The following CLIP1 variants were observed in gnomAD, a reference collection of about 807,000 sequenced individuals.
CLIP1 encodes CAP-Gly domain containing linker protein 1.
In CLIP1, 66 loss-of-function variants were observed where a neutral mutation model predicts 161.6. That is an observed-to-expected ratio of 0.41 (90% confidence interval 0.33 to 0.50). The LOEUF (loss-of-function observed/expected upper bound fraction) is 0.50. Ranked by LOEUF, CLIP1 falls within the 20% of genes least tolerant of loss-of-function variation. The pLI is 0.27. For missense variants in CLIP1, 1,376 were observed against 1,702.0 expected, an observed-to-expected ratio of 0.81 and a Z score of 3.37; for synonymous variants, 598 against 626.2, an observed-to-expected ratio of 0.96 and a Z score of 0.67.
intron 3 of CLIP1, among the ~76,000 whole-genome samples, chr12:122,370,253 A>C (rs947303264): frequency 2.6e-5 from 4 of 151,818 alleles, no homozygotes; most frequent in Non-Finnish European, 5.9e-5. Context: ...TGAGAAGGAC[A>C]AGAGGTCGGG....
chr12:122,332,396 G>A (rs1952019845), intron 15 of CLIP1, among the ~76,000 whole-genome samples: 1 of 150,442 alleles, frequency 6.6e-6, no homozygotes, highest in South Asian at 2.1e-4. Flanking sequence ...ATATATTATT[G>A]TCATTGGTAA....
At chr12:122,411,130 C>G (rs1956514635) in intron 1 of CLIP1, among the ~76,000 whole-genome samples, 1 of 152,066 alleles carries the variant, frequency 6.6e-6, no homozygotes, top group Non-Finnish European at 1.5e-5. Context: ...AAATTAGACA[C>G]AAGAGCCAGG....
intron 20 of CLIP1, among the ~76,000 whole-genome samples, chr12:122,293,002 CAA>C (rs57326141): frequency 0.041 from 1,783 of 43,522 alleles, 44 homozygotes; most frequent in East Asian, 0.15. Flanking sequence ...GACTCTGTCT[CAA>C]AAAAAAAAAA....
chr12:122,399,515 T>C (rs2137064878), intron 1 of CLIP1: 1 of 152,220 alleles, frequency 6.6e-6, no homozygotes, highest in East Asian at 1.9e-4. Context: ...AAATCACATC[T>C]CTACACATCA....
chr12:122,375,698 C>A (rs1296458887), intron 3 of CLIP1, among the ~76,000 whole-genome samples: 1 of 151,980 alleles, frequency 6.6e-6, no homozygotes, highest in Non-Finnish European at 1.5e-5. Context: ...TTATACACAC[C>A]CATATAATTT....
chr12:122,367,451 G>C (rs1483460373), intron 3 of CLIP1, among the ~76,000 whole-genome samples: 3 of 152,162 alleles, frequency 2.0e-5, no homozygotes, highest in Non-Finnish European at 4.4e-5. Flanking sequence ...AGAAAGTCAG[G>C]TGAAGTCCTA....
At chr12:122,399,183 C>T (rs1956054873) in intron 1 of CLIP1, 2 of 152,144 alleles carry the variant, frequency 1.3e-5, no homozygotes, top group African/African-American at 4.8e-5. Context: ...AATTCCACCC[C>T]AGTTGGATGA....
At chr12:122,413,708 T>C (rs777483050) in intron 1 of CLIP1, among the ~76,000 whole-genome samples, 2 of 152,148 alleles carry the variant, frequency 1.3e-5, no homozygotes, top group African/African-American at 4.8e-5. Flanking sequence ...GGGTTCCCAA[T>C]AGGGATTCTG....
At chr12:122,366,049 C>T (rs935447324) in intron 3 of CLIP1, among the ~76,000 whole-genome samples, 13 of 151,772 alleles carry the variant, frequency 8.6e-5, no homozygotes, top group South Asian at 4.2e-4. Flanking sequence ...CGATGGCTCA[C>T]GCCTCCCAGC....
intron 3 of CLIP1, chr12:122,364,753 G>T: frequency 1.5e-6 from 1 of 678,000 alleles, no homozygotes; most frequent in Non-Finnish European, 2.7e-6. Flanking sequence ...CTTTCGGCCG[G>T]AACCGCCATC....
chr12:122,281,198 T>G (rs1024032165), intron 21 of CLIP1, among the ~76,000 whole-genome samples: 1 of 152,164 alleles, frequency 6.6e-6, no homozygotes, highest in African/African-American at 2.4e-5. Flanking sequence ...AGAAATTTCT[T>G]GAATTAAAAA....
At chr12:122,345,332 T>TA (rs1952695994) in intron 10 of CLIP1, among the ~76,000 whole-genome samples, 1 of 151,794 alleles carries the variant, frequency 6.6e-6, no homozygotes, top group African/African-American at 2.4e-5. Flanking sequence ...AATTTTTTTT[T>TA]TTATTTTTTG....
intron 20 of CLIP1, among the ~76,000 whole-genome samples, chr12:122,300,790 A>T (rs572181774): frequency 6.6e-6 from 1 of 152,126 alleles, no homozygotes; most frequent in African/African-American, 2.4e-5. Context: ...TGTTAGTCAC[A>T]TTCTCTCTAT....
intron 18 of CLIP1, among the ~76,000 whole-genome samples, chr12:122,317,738 A>G (rs1190301756): frequency 6.6e-6 from 1 of 152,218 alleles, no homozygotes; most frequent in African/African-American, 2.4e-5. Flanking sequence ...GGAGTCCTAG[A>G]AAATGTCTTG....
At chr12:122,422,125 C>T (rs1249342777) in intron 1 of CLIP1, among the ~76,000 whole-genome samples, 1 of 152,108 alleles carries the variant, frequency 6.6e-6, no homozygotes, top group Non-Finnish European at 1.5e-5. Context: ...CCGGCTTCGG[C>T]CTCCCGGGGT....
chr12:122,417,703 G>T (rs993375297), intron 1 of CLIP1, among the ~76,000 whole-genome samples: 1 of 151,768 alleles, frequency 6.6e-6, no homozygotes, highest in African/African-American at 2.4e-5. Flanking sequence ...TAGTAGAGAC[G>T]GGGTTTCACT....
intron 21 of CLIP1, 146 bp downstream of exon 21, chr12:122,288,343 T>A (rs1955943381): frequency 1.5e-6 from 1 of 682,810 alleles, no homozygotes; most frequent in South Asian, 2.0e-5. Flanking sequence ...GATTTTCATA[T>A]TTTGTCAGTT....
In CLIP1 at chr12:122,316,834, T is replaced by C; in HGVS notation, c.3388A>G (p.Asn1130Asp). The change falls in exon 19 of 26, where the codon AAC becomes GAC. Residue 1130 changes from asparagine (N) to aspartate (D), a missense_variant. Physicochemically the swap from Asn to Asp is conservative, Grantham distance 23. Coordinates refer to ENST00000620786, the MANE Select transcript of CLIP1 (RefSeq NM_001247997.2). Reference protein sequence around the residue: ...QNELDTLKENNLKNVEELNKS... With the variant: ...QNELDTLKENDLKNVEELNKS... ...TTCAGCTCTTCCACATTTTTCAAGT[T>C]GTTTTCTTTAAGTGTGTCCAACTTA... The C allele has an allele frequency of 6.3e-7, 1 of 1,587,184 alleles. No homozygotes were observed. The highest frequency in any genetic ancestry group is 1.8e-5 in the Admixed American group (1 of 55,230).
In CLIP1 at chr12:122,279,753, A is replaced by T. The variant is rs1955571025; in HGVS notation, c.3648-608T>A. 1 of 152,256 alleles carries T rather than the reference A, an allele frequency of 6.6e-6. No homozygotes were observed. The highest frequency in any genetic ancestry group is 1.5e-5 in the Non-Finnish European group (1 of 68,050). The allele number at this position is 152,256 out of a possible 1,614,324, so 9.4% of individuals were successfully genotyped here. On this transcript the variant is annotated intron_variant, in intron 21 of 25. Coordinates refer to ENST00000620786, the MANE Select transcript of CLIP1 (RefSeq NM_001247997.2). This position sits in a 1 kb window ranked among gnomAD's most constrained non-coding sequence, Gnocchi z 4.5. Reference sequence around the variant, plus strand: ...TCCAGCCATAGACTCTGAAGAGGACATTAAATTAGCTCATAGAAATTAATG... The same window carrying T: ...TCCAGCCATAGACTCTGAAGAGGACTTTAAATTAGCTCATAGAAATTAATG...
Sources: gnomAD v4.1 joint callset for allele counts (sites outside exome capture counted in the v4.1 genomes callset) on GRCh38, gnomAD v4.1.1 for gene constraint, Gnocchi (gnomAD v3.1) non-coding constraint, MANE v1.5 for transcripts, NCBI Gene and HGNC (gene_info 2026-07-23, HGNC 2026-07-21) for gene names.